GPATCH1: variants seen among roughly 807,000 people sequenced by gnomAD.
The protein encoded by GPATCH1 is G-patch domain containing 1.
A neutral mutation model predicts 114.9 loss-of-function variants in GPATCH1; 73 were observed. The ratio of observed to expected loss-of-function variants is 0.64; its 90% CI spans 0.53 to 0.77. GPATCH1 has a LOEUF of 0.77. GPATCH1 is among the 30% of genes least tolerant of loss of function. The pLI is 0.00. For missense variants in GPATCH1, 1,058 were observed against 1,144.3 expected, an observed-to-expected ratio of 0.92 and a Z score of 1.09; for synonymous variants, 391 against 428.4, an observed-to-expected ratio of 0.91 and a Z score of 1.08.
rs190368784 is a variant in GPATCH1, at chr19:33,121,704, G to A, written c.2521+2587G>A. Among the ~76,000 whole-genome samples, 31 of 152,232 alleles carry A rather than the reference G, an allele frequency of 2.0e-4. No individual in the cohort carries two copies. In the East Asian group the frequency reaches 5.6e-3, roughly 27 times the overall value. Reference sequence around the variant, plus strand: ...GTAAATACAATCTATCCCCCATTCTGTTCCCCAAATATCTGTCAACAACTT... The same window carrying A: ...GTAAATACAATCTATCCCCCATTCTATTCCCCAAATATCTGTCAACAACTT... On this transcript the variant is annotated intron_variant, in intron 17 of 19. Coordinates refer to ENST00000170564, the MANE Select transcript of GPATCH1 (RefSeq NM_018025.3).
At chr19:33,098,334 C>T (rs1264997530) in intron 8 of GPATCH1, among the ~76,000 whole-genome samples, 2 of 152,204 alleles carry the variant, frequency 1.3e-5, no homozygotes, top group South Asian at 2.1e-4. Context: ...TGGAGCTGGG[C>T]GCCCAGTCCG....
intron 11 of GPATCH1, 59 bp from the exon 12 acceptor site, chr19:33,111,665 C>A: frequency 1.3e-6 from 2 of 1,507,966 alleles, no homozygotes; most frequent in Non-Finnish European, 1.8e-6. Flanking sequence ...CAGATGTTCT[C>A]TTGTAAGCCC....
At chr19:33,125,598 C>G (rs963465421) in intron 18 of GPATCH1, among the ~76,000 whole-genome samples, 12 of 151,892 alleles carry the variant, frequency 7.9e-5, no homozygotes, top group Admixed American at 7.2e-4. Context: ...GTTGGCCAAG[C>G]TGGTTTTGAC....
intron 15 of GPATCH1, among the ~76,000 whole-genome samples, chr19:33,114,797 C>CTTTTTTTTTTT (rs546074419): frequency 1.8e-4 from 16 of 87,204 alleles, no homozygotes; most frequent in Admixed American, 3.3e-4. Flanking sequence ...CTATTTCTCT[C>CTTTTTTTTTTT]TTTTTTTTTT....
At chr19:33,120,218 A>G (rs975248870) in intron 17 of GPATCH1, among the ~76,000 whole-genome samples, 131 of 141,132 alleles carry the variant, frequency 9.3e-4, no homozygotes, top group African/African-American at 3.2e-3. Flanking sequence ...ATAAATATAT[A>G]TATTTAGATA....
intron 19 of GPATCH1, among the ~76,000 whole-genome samples, chr19:33,127,856 C>A (rs1258255271): frequency 6.6e-6 from 1 of 151,662 alleles, no homozygotes; most frequent in African/African-American, 2.4e-5. Flanking sequence ...TTACAGGCAC[C>A]CGCCCCCACA....
chr19:33,114,316 A>C lies in GPATCH1; in HGVS notation c.2093A>C (p.Glu698Ala), dbSNP rs766399893. 2.5e-6 allele frequency: 4 copies of C among 1,613,534 alleles called. No homozygotes were observed. In the South Asian group the frequency reaches 4.4e-5, roughly 18 times the overall value. The stretch of plus-strand genomic sequence containing the variant: ...GAAAAGAAAGAAGATTCCATTAGTG[A>C]ATTTTTAAGTTTGGCTAGATCAAAA... ...KHEKKEDSIS[E>A]FLSLARSKAE... Residue 698 changes from glutamate (E) to alanine (A), a missense_variant, in exon 15 of 20, where the codon GAA (glutamate) becomes GCA (alanine). Physicochemically the swap from Glu to Ala is moderately radical, Grantham distance 107 (BLOSUM62 -1). Transcript: ENST00000170564.
At position 33,096,231 on chromosome 19, in the gene GPATCH1, G is replaced by C. The variant is rs767127938; in HGVS notation, c.637G>C (p.Asp213His). ...SEGEDDDYLPDNVTFAPKDVT... is the reference protein window; with the variant it reads ...SEGEDDDYLPHNVTFAPKDVT... ...GGGTGAAGATGATGACTACTTGCCTGATAATGTGACCTTTGCACCCAAAGA... is the reference window on the plus strand; with the variant it reads ...GGGTGAAGATGATGACTACTTGCCTCATAATGTGACCTTTGCACCCAAAGA... Residue 213 changes from aspartate (D) to histidine (H), a missense_variant, in exon 7 of 20, where the codon GAT becomes CAT. Transcript: ENST00000170564. 1.2e-6 allele frequency: 2 copies of C among 1,613,826 alleles called. No individual in the cohort carries two copies. Among genetic ancestry groups the C allele is most frequent in the East Asian group, 4.5e-5 (2 of 44,872 alleles).
intron 9 of GPATCH1, among the ~76,000 whole-genome samples, chr19:33,106,145 G>A (rs568456622): frequency 6.6e-6 from 1 of 152,068 alleles, no homozygotes; most frequent in African/African-American, 2.4e-5. Context: ...CACTGTTCCC[G>A]GCCCCAACTA....
chr19:33,112,700 AT>A, intron 13 of GPATCH1, 87 bp downstream of exon 13: 9 of 1,020,536 alleles, frequency 8.8e-6, no homozygotes, highest in South Asian at 5.2e-5. Flanking sequence ...ATAAATTCTT[AT>A]TTTTTCTACA....
intron 8 of GPATCH1, among the ~76,000 whole-genome samples, chr19:33,100,618 G>C (rs1972715331): frequency 6.7e-6 from 1 of 148,884 alleles, no homozygotes; most frequent in Non-Finnish European, 1.5e-5. Context: ...AAGCCCAACA[G>C]GAGTCAAAGC....
chr19:33,093,604 C>A, intron 4 of GPATCH1, 85 bp downstream of exon 4: 1 of 1,238,374 alleles, frequency 8.1e-7, no homozygotes, highest in Non-Finnish European at 1.1e-6. Flanking sequence ...AGTTTGATTG[C>A]AAGTGAGACA....
intron 17 of GPATCH1, among the ~76,000 whole-genome samples, chr19:33,124,809 T>C (rs544062089): frequency 6.6e-6 from 1 of 152,302 alleles, no homozygotes; most frequent in South Asian, 2.1e-4. Context: ...AAAGGCTTTG[T>C]GGGCTTTCTG....
Position 33,117,914 on chromosome 19 carries a change from A to G in GPATCH1, c.2286A>G (p.Ser762=). The part of the protein sequence containing the change: ...DLFRAIFASS[S]DEKSSSSEDE... ...TCAGGGCCATCTTTGCCAGTTCCTC[A>G]GATGAAAAGTCCTCATCCTCCGAGG... Residue 762 remains serine, a synonymous_variant, in exon 16 of 20, where the codon TCA becomes TCG. Transcript: ENST00000170564. 6.2e-7 allele frequency: 1 copy of G among 1,613,920 alleles called. No homozygotes were observed.
Position 33,117,877 on chromosome 19 carries a change from C to T in GPATCH1, c.2249C>T (p.Ser750Phe). 6.2e-7 allele frequency: 1 copy of T among 1,614,024 alleles called. No individual in the cohort carries two copies. Residue 750 changes from serine (S) to phenylalanine (F), a missense_variant, in exon 16 of 20, where the codon TCC (serine) becomes TTC (phenylalanine). Coordinates refer to ENST00000170564, the MANE Select transcript of GPATCH1 (RefSeq NM_018025.3). ...AQAEGEGSRPSMDLFRAIFAS... is the reference protein window; with the variant it reads ...AQAEGEGSRPFMDLFRAIFAS... Reference sequence around the variant, plus strand: ...GCTGAAGGAGAAGGGAGCCGCCCATCCATGGACTTATTCAGGGCCATCTTT... The same window carrying T: ...GCTGAAGGAGAAGGGAGCCGCCCATTCATGGACTTATTCAGGGCCATCTTT...
intron 1 of GPATCH1, among the ~76,000 whole-genome samples, chr19:33,084,062 G>A (rs760208471): frequency 1.5e-4 from 23 of 151,362 alleles, no homozygotes; most frequent in Non-Finnish European, 3.1e-4. Flanking sequence ...TGCCTGCCTC[G>A]GCCTCCCAAA....
chr19:33,094,418 C>A (rs115478854), intron 5 of GPATCH1, 149 bp downstream of exon 5: 6,250 of 580,810 alleles, frequency 0.011, 287 homozygotes, highest in African/African-American at 0.1. Context: ...TCAAGTGATC[C>A]TTCCACGTTA....
intron 17 of GPATCH1, among the ~76,000 whole-genome samples, chr19:33,120,626 C>T (rs1271013236): frequency 6.7e-6 from 1 of 150,152 alleles, no homozygotes; most frequent in South Asian, 2.1e-4. Flanking sequence ...GAGGCCAAGG[C>T]AGACAGATCG....
rs114098364 is a variant in GPATCH1 at position 33,110,768 on chromosome 19, A to G, written c.1585+752A>G. On this transcript the variant is annotated intron_variant, in intron 11 of 19. Transcript: ENST00000170564. ...CAAGTTCCTTACTGCTGAAGATTTA[A>G]CCAACCATTAGCCTCTCAAATGGTT... Among the ~76,000 whole-genome samples the G allele has an allele frequency of 9.1e-3, 1,377 of 151,992 alleles. 15 individuals are homozygous for G. Among genetic ancestry groups the G allele is most frequent in the African/African-American group, 0.032 (1,319 of 41,470 alleles).
Sources: gnomAD v4.1 joint callset for allele counts (sites outside exome capture counted in the v4.1 genomes callset) on GRCh38, gnomAD v4.1.1 for gene constraint, MANE v1.5 for transcripts, NCBI Gene and HGNC (gene_info 2026-07-23, HGNC 2026-07-21) for gene names.